Variants in NCAPD3 observed in about 807,000 individuals in gnomAD.
NCAPD3 encodes the protein non-SMC condensin II complex subunit D3, also known as condensin-2 complex subunit D3.
In NCAPD3, 105 loss-of-function variants were observed where a neutral mutation model predicts 182.9. That is an observed-to-expected ratio of 0.57 (90% CI 0.49 to 0.68). The LOEUF (loss-of-function observed/expected upper bound fraction) is 0.68. Ranked by LOEUF, NCAPD3 falls within the 30% of genes least tolerant of loss-of-function variation. The pLI is 0.00. For missense variants in NCAPD3, 1,944 were observed against 1,837.0 expected, an observed-to-expected ratio of 1.06 and a Z score of -1.07; for synonymous variants, 815 against 679.9, an observed-to-expected ratio of 1.20 and a Z score of -3.09.
In NCAPD3 at chr11:134,177,316, A is replaced by T. The variant is rs781521911; in HGVS notation, c.2924T>A (p.Met975Lys). Residue 975 changes from methionine to lysine, a missense_variant, in exon 23 of 35, where the codon ATG (methionine) becomes AAG (lysine). Transcript: ENST00000534548. ...GATGTTGGGAATATACTTGTCCACCATGATGGTGTAGCGAATGCAGAGATC... is the reference window on the plus strand; with the variant it reads ...GATGTTGGGAATATACTTGTCCACCTTGATGGTGTAGCGAATGCAGAGATC... ...MCDLCIRYTI[M>K]VDKYIPNISM... The T allele has an allele frequency of 1.2e-6, 2 of 1,614,226 alleles. No individual in the cohort carries two copies. The highest frequency in any genetic ancestry group is 1.1e-5 in the South Asian group (1 of 91,086).
In NCAPD3 at chr11:134,160,009, T is replaced by C; in HGVS notation, c.3750A>G (p.Ser1250=). 6.2e-7 allele frequency: 1 copy of C among 1,614,194 alleles called. No homozygotes were observed. Among genetic ancestry groups the C allele is most frequent in the Middle Eastern group, 1.6e-4 (1 of 6,062 alleles). ...ACTTCTTCATGTCATACTCAAGCTCTGATGCCAGCTGTTTGTCAACTGCAA... is the reference window on the plus strand; with the variant it reads ...ACTTCTTCATGTCATACTCAAGCTCCGATGCCAGCTGTTTGTCAACTGCAA... ...DFFAVDKQLA[S]ELEYDMKKYQ... Residue 1250 remains serine (S), a synonymous_variant, in exon 29 of 35, where the codon TCA becomes TCG. Transcript: ENST00000534548.
At chr11:134,176,482 G>T (rs772411764) in intron 23 of NCAPD3, 96 bp from the exon 24 acceptor site, 3 of 975,448 alleles carry the variant, frequency 3.1e-6, no homozygotes, top group Non-Finnish European at 4.9e-6. Context: ...GTCTGTCCCC[G>T]GCACACTGGC....
At chr11:134,156,572 C>T (rs778496484) in intron 32 of NCAPD3, among the ~76,000 whole-genome samples, 25 of 152,194 alleles carry the variant, frequency 1.6e-4, no homozygotes, top group African/African-American at 3.9e-4. Context: ...ACACAGGCTC[C>T]GAGCAGGGGT....
chr11:134,202,822 A>G lies in NCAPD3; in HGVS notation c.1609T>C (p.Ser537Pro). The G allele has an allele frequency of 6.2e-7, 1 of 1,602,774 alleles. No individual in the cohort carries two copies. The highest frequency in any genetic ancestry group is 8.5e-7 in the Non-Finnish European group (1 of 1,174,414). Residue 537 changes from serine to proline, a missense_variant, in exon 13 of 35, where the codon TCT (serine) becomes CCT (proline). Coordinates refer to ENST00000534548, the MANE Select transcript of NCAPD3 (RefSeq NM_015261.3). ...GTGATAAAATCTGACATACCTCCAG[A>G]TCCAACTGTTTCACCACTGCTGTCT... ...NIDSSGETVG[S>P]GERCVMAMLR... is the part of the protein sequence containing the mutation.
rs1323045220 is a variant in NCAPD3 at position 134,177,280 on chromosome 11, A to G, written c.2960T>C (p.Leu987Pro). 3 of 1,614,250 alleles carry G rather than the reference A, an allele frequency of 1.9e-6. No individual in the cohort carries two copies. Among genetic ancestry groups the G allele is most frequent in the Non-Finnish European group, 2.5e-6 (3 of 1,180,036 alleles). ...DKYIPNISMC[L>P]KDSDPFIRKQ... ...CCGGATGAATGGGTCGGAATCCTTCAGACACATGGAGATGTTGGGAATATA... is the reference window on the plus strand; with the variant it reads ...CCGGATGAATGGGTCGGAATCCTTCGGACACATGGAGATGTTGGGAATATA... Residue 987 changes from leucine (L) to proline (P), a missense_variant, in exon 23 of 35, where the codon CTG becomes CCG. Leu to Pro is a moderately conservative substitution (Grantham distance 98). This residue lies in a region of NCAPD3 where 1,803 missense variants were observed against 1,674.6 expected (regional missense o/e 1.08). Coordinates refer to ENST00000534548, the MANE Select transcript of NCAPD3 (RefSeq NM_015261.3).
chr11:134,162,191 C>A (rs1469648075), intron 27 of NCAPD3, among the ~76,000 whole-genome samples: 5 of 152,148 alleles, frequency 3.3e-5, no homozygotes, highest in Non-Finnish European at 7.3e-5. Context: ...CCCAAATCTC[C>A]ACAGAAGACC....
In NCAPD3 at chr11:134,158,435, G is replaced by C; in HGVS notation, c.3928C>G (p.Pro1310Ala). The change falls in exon 30 of 35, where the codon CCT becomes GCT. Residue 1310 changes from proline (P) to alanine (A), a missense_variant. Around this residue, in one of 3 missense-constraint regions of NCAPD3, gnomAD observed 1,803 missense variants for 1,674.6 expected, o/e 1.08. Coordinates refer to ENST00000534548, the MANE Select transcript of NCAPD3 (RefSeq NM_015261.3). ...GGTGTGCAGGGCTGGCTCACGGCAG[G>C]TGACATGGCAGGGTTTTCTTGGCCA... ...PAGQENPAMS[P>A]AVSQPCTPRA... 1 of 1,614,210 alleles carries C rather than the reference G, an allele frequency of 6.2e-7. No homozygotes were observed. Among genetic ancestry groups the C allele is most frequent in the East Asian group, 2.2e-5 (1 of 44,882 alleles).
chr11:134,212,751 T>A (rs1937883816), intron 3 of NCAPD3, among the ~76,000 whole-genome samples: 1 of 152,096 alleles, frequency 6.6e-6, no homozygotes, highest in Non-Finnish European at 1.5e-5. Flanking sequence ...GAGAATATTA[T>A]CTGAAGATAA....
At chr11:134,169,957 G>A (rs978291306) in intron 24 of NCAPD3, among the ~76,000 whole-genome samples, 1 of 152,188 alleles carries the variant, frequency 6.6e-6, no homozygotes, top group African/African-American at 2.4e-5. Context: ...CTTGGGAGAG[G>A]AGCAGTGTCA....
chr11:134,210,524 GA>G, intron 3 of NCAPD3, 70 bp from the exon 4 acceptor site: 1 of 1,386,316 alleles, frequency 7.2e-7, no homozygotes, highest in Non-Finnish European at 1.0e-6. Flanking sequence ...AACATCAGAT[GA>G]AAAGTTACAA....
chr11:134,198,138 T>C (rs1354767790), intron 13 of NCAPD3, among the ~76,000 whole-genome samples: 2 of 151,888 alleles, frequency 1.3e-5, no homozygotes, highest in African/African-American at 2.4e-5. Flanking sequence ...GATGTGGGGG[T>C]CAGACATGCC....
chr11:134,188,581 C>T (rs950186093), intron 16 of NCAPD3, among the ~76,000 whole-genome samples: 13 of 152,166 alleles, frequency 8.5e-5, no homozygotes, highest in Non-Finnish European at 1.8e-4. Flanking sequence ...GACAAACCCA[C>T]CAGGAGGAAC....
Position 134,220,583 on chromosome 11 carries a change from C to T in NCAPD3, c.208G>A (p.Gly70Arg). 1 of 1,612,824 alleles carries T rather than the reference C, an allele frequency of 6.2e-7. No individual in the cohort carries two copies. The highest frequency in any genetic ancestry group is 8.5e-7 in the Non-Finnish European group (1 of 1,179,078). The change falls in exon 2 of 35, where the codon GGA (glycine) becomes AGA (arginine). Residue 70 changes from glycine (G) to arginine (R), a missense_variant. Gly to Arg is a moderately radical substitution (Grantham distance 125, BLOSUM62 -2). Coordinates refer to ENST00000534548, the MANE Select transcript of NCAPD3 (RefSeq NM_015261.3). ...TTTTATATTTTTACCTCCATAGATC[C>T]ATGTTCTCCAGTAGCAAAGGGTAAA... is the stretch of plus-strand genomic sequence containing the variant. ...SLLPFATGEH[G>R]SMESIWTFFI...
chr11:134,157,991 G>A lies in NCAPD3; in HGVS notation c.4111C>T (p.Arg1371Trp), dbSNP rs773805164. 27 of 1,613,984 alleles carry A rather than the reference G, an allele frequency of 1.7e-5. No individual in the cohort carries two copies. The South Asian group carries it at 2.3e-4, about 14-fold the overall frequency. The part of the protein sequence containing the change: ...AVESKSRHRS[R>W]SLGVLPFTLN... ...GTGAAAGGCAGCACTCCTAAGCTCCGACTCCGATGCCTGCTCTTTGACTCC... is the reference window on the plus strand; with the variant it reads ...GTGAAAGGCAGCACTCCTAAGCTCCAACTCCGATGCCTGCTCTTTGACTCC... Residue 1371 changes from arginine (R) to tryptophan (W), a missense_variant, in exon 31 of 35, where the codon CGG becomes TGG. Around this residue, in one of 3 missense-constraint regions of NCAPD3, gnomAD observed 1,803 missense variants for 1,674.6 expected, o/e 1.08. Coordinates refer to ENST00000534548, the MANE Select transcript of NCAPD3 (RefSeq NM_015261.3).
intron 3 of NCAPD3, among the ~76,000 whole-genome samples, chr11:134,214,517 A>C (rs1937949012): frequency 6.6e-6 from 1 of 152,232 alleles, no homozygotes; most frequent in Admixed American, 6.5e-5. Context: ...GAATAAGAGC[A>C]AATTAAACCC....
At chr11:134,212,638 G>A (rs1591862781) in intron 3 of NCAPD3, among the ~76,000 whole-genome samples, 3 of 152,056 alleles carry the variant, frequency 2.0e-5, no homozygotes, top group South Asian at 2.1e-4. Context: ...GTGACCTGCC[G>A]GCAGCAGCCT....
chr11:134,158,867 C>G (rs925818230), intron 29 of NCAPD3, among the ~76,000 whole-genome samples: 1 of 152,126 alleles, frequency 6.6e-6, no homozygotes, highest in African/African-American at 2.4e-5. Flanking sequence ...AAAATCCACT[C>G]TCTAACTCCG....
Position 134,176,406 on chromosome 11 carries a change from C to A in NCAPD3, c.3022-20G>T. 1 of 1,609,346 alleles carries A rather than the reference C, an allele frequency of 6.2e-7. No individual in the cohort carries two copies. The highest frequency in any genetic ancestry group is 1.1e-5 in the South Asian group (1 of 91,002). ...TTCCTCCTGTGCAGAGAGAAGCCGG[C>A]ATGTTTCAGAGTGCGTCATCATGGG... is the stretch of plus-strand genomic sequence containing the variant. On this transcript the variant is annotated intron_variant, in intron 23 of 34. Coordinates refer to ENST00000534548, the MANE Select transcript of NCAPD3 (RefSeq NM_015261.3).
intron 16 of NCAPD3, among the ~76,000 whole-genome samples, chr11:134,189,173 T>G (rs1022940740): frequency 2.0e-5 from 3 of 152,202 alleles, no homozygotes. Context: ...AACAAGACAT[T>G]TGTAGTTGTA....
Sources: allele counts gnomAD v4.1 joint callset (sites outside exome capture counted in the v4.1 genomes callset), GRCh38; gene constraint gnomAD v4.1.1; regional missense constraint gnomAD v4.1.1; transcripts MANE v1.5; gene names NCBI Gene and HGNC (gene_info 2026-07-23, HGNC 2026-07-21).